Variants in CNTN5 observed in about 807,000 individuals in gnomAD.
CNTN5 encodes the protein contactin-5.
CNTN5 carries 77 observed loss-of-function variants against 129.1 expected under a neutral mutation model. That is an observed-to-expected ratio of 0.60 (90% CI 0.50 to 0.72). The LOEUF (loss-of-function observed/expected upper bound fraction) is 0.72. Among genes scored for constraint, CNTN5 ranks in the 30% least tolerant of loss-of-function variants. CNTN5 has a pLI of 0.00. For synonymous variants in CNTN5, 509 were observed against 465.6 expected (o/e 1.09, Z -1.20); for missense variants, 1,478 against 1,328.8 (o/e 1.11, Z -1.75).
chr11:99,890,538 A>ATACATACATGTATGTT, intron 6 of CNTN5, among the ~76,000 whole-genome samples: 1 of 151,802 alleles, frequency 6.6e-6, no homozygotes, highest in African/African-American at 2.4e-5. Flanking sequence ...ACATGTATGT[A>ATACATACATGTATGTT]TACATACATA....
intron 12 of CNTN5, among the ~76,000 whole-genome samples, chr11:100,073,835 G>A (rs1944024032): frequency 6.6e-6 from 1 of 152,028 alleles, no homozygotes; most frequent in South Asian, 2.1e-4. Flanking sequence ...TTAGCCTTTT[G>A]CTCTTTTGCC....
intron 3 of CNTN5, among the ~76,000 whole-genome samples, chr11:99,693,618 A>G (rs1954133894): frequency 1.3e-5 from 2 of 152,110 alleles, no homozygotes. Flanking sequence ...GAGGATAGTG[A>G]GAGACATGGA....
intron 21 of CNTN5, among the ~76,000 whole-genome samples, chr11:100,319,558 A>T (rs1488240306): frequency 1.3e-5 from 2 of 152,228 alleles, no homozygotes; most frequent in Non-Finnish European, 2.9e-5. Flanking sequence ...TAGCATATGC[A>T]TTATTGCACA....
At chr11:99,083,418 A>T (rs1240853714) in intron 1 of CNTN5, among the ~76,000 whole-genome samples, 1 of 152,124 alleles carries the variant, frequency 6.6e-6, no homozygotes, top group Non-Finnish European at 1.5e-5. Context: ...CATTACACCT[A>T]CCATTAAGCT....
intron 2 of CNTN5, among the ~76,000 whole-genome samples, chr11:99,330,605 G>A (rs1196970069): frequency 6.6e-6 from 1 of 152,056 alleles, no homozygotes; most frequent in South Asian, 2.1e-4. Flanking sequence ...ATGATGAGGT[G>A]CCACTCAATG....
chr11:99,523,406 G>T (rs1201599326), intron 2 of CNTN5, among the ~76,000 whole-genome samples: 2 of 151,982 alleles, frequency 1.3e-5, no homozygotes, highest in African/African-American at 2.4e-5. Context: ...ACCAGCCTAG[G>T]CGACGTGGCG....
intron 2 of CNTN5, among the ~76,000 whole-genome samples, chr11:99,466,367 C>T (rs1944943343): frequency 6.6e-6 from 1 of 152,124 alleles, no homozygotes; most frequent in African/African-American, 2.4e-5. Flanking sequence ...ATGTACCATT[C>T]CTAAAACCTT....
chr11:99,995,189 T>A (rs7114978), intron 8 of CNTN5, among the ~76,000 whole-genome samples: 57,369 of 151,886 alleles, frequency 0.38, 12,329 homozygotes, highest in African/African-American at 0.59. Context: ...CTCAGTAAAC[T>A]GATTAGAAAA....
intron 2 of CNTN5, among the ~76,000 whole-genome samples, chr11:99,363,763 A>C (rs1171477210): frequency 6.6e-6 from 1 of 152,158 alleles, no homozygotes; most frequent in Non-Finnish European, 1.5e-5. Flanking sequence ...AAGCAAACCA[A>C]TAATTGTGAA....
chr11:100,148,148 T>TAAC (rs1946918340), intron 13 of CNTN5, among the ~76,000 whole-genome samples: 1 of 152,144 alleles, frequency 6.6e-6, no homozygotes, highest in African/African-American at 2.4e-5. Context: ...TTAAAAACTG[T>TAAC]AACTCATTCC....
chr11:99,334,614 A>G lies in CNTN5; in HGVS notation c.-71+9130A>G, dbSNP rs181270126. Among the ~76,000 whole-genome samples, 34 of 152,270 alleles carry G rather than the reference A, an allele frequency of 2.2e-4. No homozygotes were observed. In the East Asian group the frequency reaches 5.8e-3, roughly 26 times the overall value. On this transcript the variant is annotated intron_variant, in intron 2 of 24. Coordinates refer to ENST00000524871, the MANE Select transcript of CNTN5 (RefSeq NM_014361.4). ...GTATATTGTTAATTAAGTTTGTACT[A>G]TCCAATAAAGATAGCTACTAGCCAC... is the stretch of plus-strand genomic sequence containing the variant.
intron 2 of CNTN5, among the ~76,000 whole-genome samples, chr11:99,432,613 G>A (rs1445701664): frequency 6.6e-6 from 1 of 151,928 alleles, no homozygotes; most frequent in Non-Finnish European, 1.5e-5. Context: ...CTTGGGTGAG[G>A]AAAGAGTGAG....
intron 8 of CNTN5, among the ~76,000 whole-genome samples, chr11:99,987,294 C>T (rs1938745423): frequency 1.3e-5 from 2 of 151,706 alleles, no homozygotes; most frequent in Admixed American, 1.3e-4. Flanking sequence ...AAAGTGAAAA[C>T]AGATATGGAA....
At chr11:99,072,793 A>G (rs1337470789) in intron 1 of CNTN5, among the ~76,000 whole-genome samples, 1 of 152,170 alleles carries the variant, frequency 6.6e-6, no homozygotes, top group East Asian at 1.9e-4. Context: ...GAATGTTTAC[A>G]TATGATACAC....
chr11:99,981,101 TATAC>T lies in CNTN5; in HGVS notation c.878-20931_878-20928del, dbSNP rs1230050375. Among the ~76,000 whole-genome samples the T allele has an allele frequency of 8.2e-4, 50 of 61,286 alleles. 2 individuals are homozygous for T. Among genetic ancestry groups the T allele is most frequent in the East Asian group, 2.4e-3 (7 of 2,922 alleles). 40.2% of individuals were successfully genotyped at this position (61,286 alleles called of 152,430 possible). On this transcript the variant is annotated intron_variant, in intron 8 of 24. Coordinates refer to ENST00000524871, the MANE Select transcript of CNTN5 (RefSeq NM_014361.4). Reference sequence around the variant, plus strand: ...GGATATATATATATATATATATATATATACACACACACACACATATATGAAAGAG... The same window carrying T: ...GGATATATATATATATATATATATATACACACACACACATATATGAAAGAG...
At chr11:99,742,442 C>T (rs955888447) in intron 3 of CNTN5, among the ~76,000 whole-genome samples, 2 of 152,076 alleles carry the variant, frequency 1.3e-5, no homozygotes, top group African/African-American at 2.4e-5. Context: ...CATTTGTGCT[C>T]CTTTGTCAAA....
intron 1 of CNTN5, among the ~76,000 whole-genome samples, chr11:99,240,460 G>T (rs1166033932): frequency 6.6e-6 from 1 of 152,088 alleles, no homozygotes; most frequent in Non-Finnish European, 1.5e-5. Context: ...GAAAACATTT[G>T]TGTTTTTTCC....
At chr11:99,385,963 G>A (rs17133443) in intron 2 of CNTN5, among the ~76,000 whole-genome samples, 5,061 of 152,236 alleles carry the variant, frequency 0.033, 279 homozygotes, top group African/African-American at 0.11. Flanking sequence ...GAAAGACTTA[G>A]AGAAATTTAT....
chr11:99,918,663 A>G (rs1406865632), intron 7 of CNTN5, among the ~76,000 whole-genome samples: 1 of 152,154 alleles, frequency 6.6e-6, no homozygotes, highest in South Asian at 2.1e-4. Context: ...AGTATATAGT[A>G]CAGTATATGG....
Sources: gnomAD v4.1 joint callset for allele counts (sites outside exome capture counted in the v4.1 genomes callset) on GRCh38, gnomAD v4.1.1 for gene constraint, MANE v1.5 for transcripts, NCBI Gene and HGNC (gene_info 2026-07-23, HGNC 2026-07-21) for gene names.